KIAA1958: variants seen among roughly 807,000 people sequenced by gnomAD.
KIAA1958 encodes the protein KIAA1958.
In KIAA1958, 14 loss-of-function variants were observed where a neutral mutation model predicts 47.2. The ratio of observed to expected loss-of-function variants is 0.30; its 90% CI spans 0.20 to 0.46. The LOEUF (loss-of-function observed/expected upper bound fraction) is 0.46. KIAA1958 is among the 20% of genes least tolerant of loss of function. The pLI is 1.00. For synonymous variants in KIAA1958, 354 were observed against 353.3 expected (o/e 1.00, Z -0.02); for missense variants, 803 against 909.2 (o/e 0.88, Z 1.50).
Position 112,491,546 on chromosome 9 carries a change from GT to G in KIAA1958, c.-25+4439del, listed in dbSNP as rs542029172. Among the ~76,000 whole-genome samples the G allele has an allele frequency of 3.5e-3, 497 of 140,550 alleles. 3 individuals carry two copies. Among genetic ancestry groups the G allele is most frequent in the African/African-American group, 0.011 (423 of 38,636 alleles). The allele number at this position is 140,550 out of a possible 152,430, so 92.2% of individuals were successfully genotyped here. A position where few individuals can be genotyped will look rare whatever the true frequency, so the allele number is the denominator to read the frequency against. Reference sequence around the variant, plus strand: ...TGGAATGGCTAGTAATTATTAGCTGGTTTTTTTTTTTGTTTTTTTTGTTTTT... The same window carrying G: ...TGGAATGGCTAGTAATTATTAGCTGGTTTTTTTTTTGTTTTTTTTGTTTTT... On this transcript the variant is annotated intron_variant, in intron 1 of 3. Coordinates refer to ENST00000337530, the MANE Select transcript of KIAA1958 (RefSeq NM_133465.4).
Position 112,574,962 on chromosome 9 carries a change from A to C in KIAA1958, c.882A>C (p.Arg294Ser), listed in dbSNP as rs768246339. 11 of 1,614,106 alleles carry C rather than the reference A, an allele frequency of 6.8e-6. No homozygotes were observed. In the South Asian group the frequency reaches 1.2e-4, roughly 18 times the overall value. ...TARVSLASPN[R>S]GPPGTHGTNQ... ...GGGTATCTCTGGCTTCACCAAACAGAGGACCCCCTGGTACACATGGCACCA... is the reference window on the plus strand; with the variant it reads ...GGGTATCTCTGGCTTCACCAAACAGCGGACCCCCTGGTACACATGGCACCA... The change falls in exon 2 of 4, where the codon AGA (arginine) becomes AGC (serine). Residue 294 changes from arginine to serine, a missense_variant. Arg to Ser is a moderately radical substitution (Grantham distance 110). Coordinates refer to ENST00000337530, the MANE Select transcript of KIAA1958 (RefSeq NM_133465.4).
intron 2 of KIAA1958, among the ~76,000 whole-genome samples, chr9:112,630,781 TG>T (rs771941199): frequency 7.2e-5 from 11 of 152,236 alleles, no homozygotes; most frequent in Non-Finnish European, 1.0e-4. Context: ...GAAATGCAAA[TG>T]TTTTTCTTTC....
At chr9:112,658,972 A>T (rs1002942772) in intron 3 of KIAA1958, among the ~76,000 whole-genome samples, 1 of 146,210 alleles carries the variant, frequency 6.8e-6, no homozygotes, top group Non-Finnish European at 1.5e-5. Flanking sequence ...GTGAGCCGAG[A>T]TCACGCCACT....
At position 112,646,230 on chromosome 9, in the gene KIAA1958, A is replaced by G. The variant is rs370134607; in HGVS notation, c.1344+408A>G. On this transcript the variant is annotated intron_variant, in intron 3 of 3. Coordinates refer to ENST00000337530, the MANE Select transcript of KIAA1958 (RefSeq NM_133465.4). ...AGCAGAGGCCTCATATCTTGGTATC[A>G]TGGACAATAAAACCAGATTCTGATA... is the stretch of plus-strand genomic sequence containing the variant. 1.5e-3 allele frequency among the ~76,000 whole-genome samples: 234 copies of G among 152,342 alleles called. 2 individuals are homozygous for G. Among genetic ancestry groups the G allele is most frequent in the African/African-American group, 5.3e-3 (219 of 41,584 alleles).
At chr9:112,563,150 G>C (rs539507879) in intron 1 of KIAA1958, among the ~76,000 whole-genome samples, 5 of 144,058 alleles carry the variant, frequency 3.5e-5, no homozygotes, top group African/African-American at 1.0e-4. Context: ...GGCTGGTCTT[G>C]AACTCCTGGG....
intron 3 of KIAA1958, among the ~76,000 whole-genome samples, chr9:112,658,709 C>T (rs1284881633): frequency 6.6e-6 from 1 of 152,028 alleles, no homozygotes; most frequent in Admixed American, 6.5e-5. Flanking sequence ...CCTGTAATCC[C>T]AGCACTTTGG....
intron 1 of KIAA1958, among the ~76,000 whole-genome samples, chr9:112,512,469 A>T (rs1422550830): frequency 6.6e-6 from 1 of 152,168 alleles, no homozygotes; most frequent in Non-Finnish European, 1.5e-5. Flanking sequence ...TAAAAAAAAA[A>T]CTCTTAGCAA....
intron 1 of KIAA1958, among the ~76,000 whole-genome samples, chr9:112,556,871 T>C (rs1835250746): frequency 6.6e-6 from 1 of 152,140 alleles, no homozygotes; most frequent in Non-Finnish European, 1.5e-5. Flanking sequence ...GGAGACACAA[T>C]GCTAAGTAGA....
intron 2 of KIAA1958, among the ~76,000 whole-genome samples, chr9:112,641,473 A>T (rs1361122600): frequency 3.1e-5 from 4 of 128,940 alleles, no homozygotes; most frequent in Non-Finnish European, 3.3e-5. Flanking sequence ...CTTTGTTCTT[A>T]GACTTTGGAA....
At chr9:112,532,724 T>A (rs759868296) in intron 1 of KIAA1958, among the ~76,000 whole-genome samples, 1 of 152,236 alleles carries the variant, frequency 6.6e-6, no homozygotes, top group Non-Finnish European at 1.5e-5. Flanking sequence ...GTTAGTGTAC[T>A]GCTGTGTGTG....
intron 2 of KIAA1958, among the ~76,000 whole-genome samples, chr9:112,604,325 C>T (rs1836187698): frequency 6.6e-6 from 1 of 152,146 alleles, no homozygotes; most frequent in Admixed American, 6.6e-5. Flanking sequence ...TCCTGAGACC[C>T]CTCTCCAGGT....
In KIAA1958 at chr9:112,525,918, T is replaced by TTTCTTCTTC. The variant is rs758525184; in HGVS notation, c.-25+38875_-25+38883dup. On this transcript the variant is annotated intron_variant, in intron 1 of 3. Transcript: ENST00000337530. ...AAGTTGGAAAGCTTCATTTATATTC[T>TTTCTTCTTC]TTCTTCTTCTTCTTCTTCTTCTTCT... Among the ~76,000 whole-genome samples the TTTCTTCTTC allele has an allele frequency of 4.0e-4, 39 of 96,504 alleles. 1 individual carries two copies. The highest frequency in any genetic ancestry group is 6.2e-4 in the Non-Finnish European group (29 of 46,444). 63.3% of individuals were successfully genotyped at this position (96,504 alleles called of 152,430 possible). A position where few individuals can be genotyped will look rare whatever the true frequency, so the allele number is the denominator to read the frequency against.
chr9:112,589,476 C>T lies in KIAA1958; in HGVS notation c.1171+14225C>T, dbSNP rs979444645. Among the ~76,000 whole-genome samples, 3 of 152,288 alleles carry T rather than the reference C, an allele frequency of 2.0e-5. No individual in the cohort carries two copies. The East Asian group carries it at 5.8e-4, about 29-fold the overall frequency. On this transcript the variant is annotated intron_variant, in intron 2 of 3. Transcript: ENST00000337530. ...GCATGGTGGCATGTGCCTGTAATCC[C>T]AGCTACTCGGGAGGCTGAGGCAGGA...
chr9:112,562,466 C>T lies in KIAA1958; in HGVS notation c.-24-11591C>T, dbSNP rs186767423. Among the ~76,000 whole-genome samples the T allele has an allele frequency of 5.5e-4, 84 of 152,316 alleles. 1 individual carries two copies. The highest frequency in any genetic ancestry group is 5.2e-3 in the Admixed American group (79 of 15,298). On this transcript the variant is annotated intron_variant, in intron 1 of 3. Coordinates refer to ENST00000337530, the MANE Select transcript of KIAA1958 (RefSeq NM_133465.4). ...GCTCACATGAGTTGTATCTCACACACACCCAGAAGAGCCTGTGGGCAGAAC... is the reference window on the plus strand; with the variant it reads ...GCTCACATGAGTTGTATCTCACACATACCCAGAAGAGCCTGTGGGCAGAAC...
chr9:112,619,557 G>T (rs1383676345), intron 2 of KIAA1958, among the ~76,000 whole-genome samples: 1 of 151,950 alleles, frequency 6.6e-6, no homozygotes, highest in African/African-American at 2.4e-5. Context: ...TTTCTTTTTG[G>T]GGGGAAAGGG....
Position 112,575,176 on chromosome 9 carries a change from GA to G in KIAA1958, c.1098del (p.Val367Ter). 1 of 1,596,398 alleles carries G rather than the reference GA, an allele frequency of 6.3e-7. No individual in the cohort carries two copies. The highest frequency in any genetic ancestry group is 2.2e-5 in the East Asian group (1 of 44,874). ...TTCTCCCTCAGTTAACACAGAGCCAGAAGTGAGCTCCAGTCAGCAGCAGCCC... is the reference window on the plus strand; with the variant it reads ...TTCTCCCTCAGTTAACACAGAGCCAGAGTGAGCTCCAGTCAGCAGCAGCCC... Reference protein sequence around the residue: ...ALSPSVNTEPEVSSSQQQPPV... With the variant: ...ALSPSVNTEPXVSSSQQQPPV... On this transcript the variant is annotated frameshift_variant, in exon 2 of 4. Transcript: ENST00000337530. LOFTEE classifies it high-confidence loss of function.
intron 3 of KIAA1958, among the ~76,000 whole-genome samples, chr9:112,655,950 T>G (rs1270911401): frequency 3.3e-5 from 5 of 152,144 alleles, no homozygotes; most frequent in Non-Finnish European, 7.4e-5. Flanking sequence ...GTAAGTTGAA[T>G]AAGTACATAA....
chr9:112,502,796 G>C (rs1279582733), intron 1 of KIAA1958, among the ~76,000 whole-genome samples: 1 of 152,212 alleles, frequency 6.6e-6, no homozygotes, highest in Non-Finnish European at 1.5e-5. Flanking sequence ...TTTACTATCT[G>C]ACTTACTCCA....
intron 1 of KIAA1958, among the ~76,000 whole-genome samples, chr9:112,523,911 A>T (rs1834596337): frequency 6.6e-6 from 1 of 151,872 alleles, no homozygotes; most frequent in African/African-American, 2.4e-5. Context: ...TACTCTCTCC[A>T]CCTCCACATA....
Sources: gnomAD v4.1 joint callset for allele counts (sites outside exome capture counted in the v4.1 genomes callset) on GRCh38, gnomAD v4.1.1 for gene constraint, MANE v1.5 for transcripts, NCBI Gene and HGNC (gene_info 2026-07-23, HGNC 2026-07-21) for gene names.